Variants in HHAT observed in about 807,000 individuals in gnomAD.
The protein encoded by HHAT is hedgehog acyltransferase, also known as protein-cysteine N-palmitoyltransferase HHAT.
Under a neutral mutation model 70.8 loss-of-function variants are expected in HHAT, and 47 were observed. That is an observed-to-expected ratio of 0.66 (90% CI 0.53 to 0.85). HHAT has a LOEUF of 0.85. HHAT is among the 40% of genes least tolerant of loss of function. The pLI is 0.00. For missense variants in HHAT, 609 were observed against 604.8 expected (o/e 1.01, Z -0.07); for synonymous variants, 228 against 247.6 (o/e 0.92, Z 0.74).
chr1:210,409,442 A>C (rs536845116), intron 6 of HHAT, among the ~76,000 whole-genome samples: 1 of 152,068 alleles, frequency 6.6e-6, no homozygotes, highest in Admixed American at 6.5e-5. Flanking sequence ...GTTCTGGGAG[A>C]GCTCACTGGA....
chr1:210,540,473 A>C (rs74158905), intron 9 of HHAT, among the ~76,000 whole-genome samples: 1 of 102,094 alleles, frequency 9.8e-6, no homozygotes, highest in Non-Finnish European at 2.7e-5. Flanking sequence ...ACACACACGC[A>C]CACACATGCA....
chr1:210,655,271 G>C (rs929134030), intron 11 of HHAT, among the ~76,000 whole-genome samples: 8 of 152,328 alleles, frequency 5.3e-5, no homozygotes, highest in African/African-American at 1.7e-4. Context: ...GAGGCAGGGA[G>C]GGTGCTAATG....
chr1:210,554,630 C>T (rs1163364770), intron 9 of HHAT, among the ~76,000 whole-genome samples: 2 of 152,042 alleles, frequency 1.3e-5, no homozygotes, highest in Non-Finnish European at 1.5e-5. Flanking sequence ...AGCTTAAGCC[C>T]GTAAAAGTGC....
intron 8 of HHAT, among the ~76,000 whole-genome samples, chr1:210,492,624 A>G (rs1187254709): frequency 1.3e-5 from 2 of 152,186 alleles, no homozygotes; most frequent in African/African-American, 4.8e-5. Flanking sequence ...AGAGGGTTTA[A>G]AGAGCTGTCT....
intron 3 of HHAT, among the ~76,000 whole-genome samples, chr1:210,368,022 TTCTTGCTGGTCTTCTC>T (rs1055029408): frequency 6.6e-6 from 1 of 151,058 alleles, no homozygotes; most frequent in African/African-American, 2.4e-5. Flanking sequence ...TTTTTCTTTC[TTCTTGCTGGTCTTCTC>T]TCTAGTGATG....
intron 11 of HHAT, among the ~76,000 whole-genome samples, chr1:210,659,782 G>A (rs1235111163): frequency 6.6e-6 from 1 of 152,176 alleles, no homozygotes; most frequent in Non-Finnish European, 1.5e-5. Flanking sequence ...ATCAATAAAT[G>A]TAATCCAGCA....
rs1553252367 is a variant in HHAT at position 210,511,796 on chromosome 1, T to TTC, written c.1008-1356_1008-1355insCT. The stretch of plus-strand genomic sequence containing the variant: ...CCGCCTGGTCTTTTTTTTTTTTTTT[T>TTC]TTTTTTTTTTTGAGATGGAGTCTCA... On this transcript the variant is annotated intron_variant, in intron 8 of 11. Coordinates refer to ENST00000261458, the MANE Select transcript of HHAT (RefSeq NM_018194.6). Among the ~76,000 whole-genome samples the TTC allele has an allele frequency of 8.9e-3, 937 of 105,480 alleles. 9 individuals carry two copies. Among genetic ancestry groups the TTC allele is most frequent in the African/African-American group, 0.027 (776 of 28,474 alleles). 69.2% of individuals were successfully genotyped at this position (105,480 alleles called of 152,430 possible).
chr1:210,625,849 G>A (rs1230551173), intron 11 of HHAT, among the ~76,000 whole-genome samples: 1 of 152,192 alleles, frequency 6.6e-6, no homozygotes, highest in Non-Finnish European at 1.5e-5. Context: ...CATGAGACTG[G>A]TGCACCAGGT....
chr1:210,335,237 A>G (rs1042437519), intron 1 of HHAT, among the ~76,000 whole-genome samples: 2 of 152,278 alleles, frequency 1.3e-5, no homozygotes, highest in South Asian at 4.1e-4. Flanking sequence ...TAACACTACG[A>G]AAGTCAACAA....
intron 7 of HHAT, among the ~76,000 whole-genome samples, chr1:210,435,943 C>T (rs2093365146): frequency 6.6e-6 from 1 of 151,722 alleles, no homozygotes. Flanking sequence ...GTTTCTTTTG[C>T]TGTGCAGAAA....
At chr1:210,356,454 C>T (rs968875481) in intron 2 of HHAT, among the ~76,000 whole-genome samples, 2 of 151,764 alleles carry the variant, frequency 1.3e-5, no homozygotes, top group East Asian at 1.9e-4. Context: ...ACTCTAGCAC[C>T]GGGGAGCCCT....
intron 1 of HHAT, chr1:210,329,330 C>T (rs1328323773): frequency 1.7e-6 from 2 of 1,211,616 alleles, no homozygotes; most frequent in South Asian, 4.0e-5. Context: ...GGGATCTAGG[C>T]GCCGGGACAA....
At chr1:210,519,893 G>A (rs921011010) in intron 9 of HHAT, among the ~76,000 whole-genome samples, 50 of 148,968 alleles carry the variant, frequency 3.4e-4, no homozygotes, top group African/African-American at 1.2e-3. Flanking sequence ...ATCTCATTGT[G>A]GTTTTGATTT....
At chr1:210,381,271 TAAAA>T (rs200179624) in intron 3 of HHAT, among the ~76,000 whole-genome samples, 1 of 152,094 alleles carries the variant, frequency 6.6e-6, no homozygotes, top group South Asian at 2.1e-4. Flanking sequence ...GTGGGTCATT[TAAAA>T]AAATTTTTTA....
At chr1:210,542,496 A>ATATATAT (rs1553264041) in intron 9 of HHAT, among the ~76,000 whole-genome samples, 7 of 149,440 alleles carry the variant, frequency 4.7e-5, no homozygotes, top group African/African-American at 1.7e-4. Context: ...TTAAAAAAAA[A>ATATATAT]ATATATATAT....
rs368075736 is a variant in HHAT, at chr1:210,335,545, G to A, written c.-44+6441G>A. On this transcript the variant is annotated intron_variant, in intron 1 of 11. Transcript: ENST00000261458. The stretch of plus-strand genomic sequence containing the variant: ...AGGACCTAAGCTACTAGATCAATAT[G>A]TAGTCATGTCAGTGTGGTATTGCAT... 9.9e-5 allele frequency among the ~76,000 whole-genome samples: 15 copies of A among 152,264 alleles called. No homozygotes were observed. The South Asian group carries it at 3.1e-3, about 32-fold the overall frequency.
intron 2 of HHAT, among the ~76,000 whole-genome samples, chr1:210,352,290 A>G (rs551274695): frequency 1.3e-3 from 202 of 152,212 alleles, no homozygotes; most frequent in Non-Finnish European, 2.2e-3. Context: ...GGCCATTCCC[A>G]AGAAATATCT....
chr1:210,559,713 A>G (rs1376602888), intron 9 of HHAT, among the ~76,000 whole-genome samples: 1 of 152,244 alleles, frequency 6.6e-6, no homozygotes, highest in African/African-American at 2.4e-5. Context: ...ACAGGATTTT[A>G]TTGTGACAAT....
intron 5 of HHAT, among the ~76,000 whole-genome samples, 189 bp downstream of exon 5, chr1:210,400,851 T>A (rs2092034805): frequency 6.6e-6 from 1 of 152,236 alleles, no homozygotes; most frequent in African/African-American, 2.4e-5. Context: ...CATTCCTGGC[T>A]GTGTTTTAGC....
Sources: gnomAD v4.1 joint callset for allele counts (sites outside exome capture counted in the v4.1 genomes callset) on GRCh38, gnomAD v4.1.1 for gene constraint, MANE v1.5 for transcripts, NCBI Gene and HGNC (gene_info 2026-07-23, HGNC 2026-07-21) for gene names.